Variants in DLGAP1 observed in about 807,000 individuals in gnomAD.
The protein encoded by DLGAP1 is DLG associated protein 1.
A neutral mutation model predicts 90.8 loss-of-function variants in DLGAP1; 11 were observed. The observed-to-expected ratio is 0.12, with a 90% CI of 0.08 to 0.20. The LOEUF is 0.20. DLGAP1 is among the 10% of genes least tolerant of loss of function. The pLI is 1.00. For missense variants in DLGAP1, 1,050 were observed against 1,333.8 expected (o/e 0.79, Z 3.31); for synonymous variants, 558 against 540.7 (o/e 1.03, Z -0.44).
chr18:3,716,538 AT>A (rs11374642), intron 7 of DLGAP1, among the ~76,000 whole-genome samples: 6 of 151,568 alleles, frequency 4.0e-5, no homozygotes, highest in South Asian at 2.1e-4. Context: ...CCTGTCTCAA[AT>A]TTTTTTTTCT....
intron 1 of DLGAP1, among the ~76,000 whole-genome samples, chr18:4,357,406 G>A (rs1394467987): frequency 6.6e-5 from 10 of 151,670 alleles, no homozygotes; most frequent in African/African-American, 1.5e-4. Flanking sequence ...CACCCGCCTC[G>A]GCCTCCCACC....
At chr18:3,854,432 GA>G (rs2069515617) in intron 4 of DLGAP1, among the ~76,000 whole-genome samples, 1 of 152,112 alleles carries the variant, frequency 6.6e-6, no homozygotes, top group South Asian at 2.1e-4. Flanking sequence ...TTATTGTTTT[GA>G]AAACATTCTT....
At chr18:3,665,544 A>G (rs756973871) in intron 7 of DLGAP1, among the ~76,000 whole-genome samples, 4 of 152,216 alleles carry the variant, frequency 2.6e-5, no homozygotes, top group Non-Finnish European at 5.9e-5. Context: ...GGTCTCTACA[A>G]GTGCCCTTGT....
intron 5 of DLGAP1, among the ~76,000 whole-genome samples, chr18:3,783,236 T>A (rs1191828094): frequency 6.6e-6 from 1 of 152,160 alleles, no homozygotes; most frequent in Non-Finnish European, 1.5e-5. Context: ...TGGAAAACAG[T>A]CTGGCAGCTC....
At chr18:4,249,563 G>A (rs1304572888) in intron 1 of DLGAP1, among the ~76,000 whole-genome samples, 4 of 151,874 alleles carry the variant, frequency 2.6e-5, no homozygotes, top group African/African-American at 9.7e-5. Context: ...AGTAATGATG[G>A]ATTTCTGCAT....
intron 1 of DLGAP1, among the ~76,000 whole-genome samples, chr18:4,426,291 A>G (rs1366341999): frequency 3.3e-5 from 5 of 152,168 alleles, no homozygotes; most frequent in Non-Finnish European, 5.9e-5. Flanking sequence ...ATAGAAGAAG[A>G]TATCTTCCCC....
chr18:3,610,201 A>C (rs1443601732), intron 7 of DLGAP1, among the ~76,000 whole-genome samples: 4 of 152,190 alleles, frequency 2.6e-5, no homozygotes, highest in African/African-American at 9.6e-5. Context: ...TATTTTTGAG[A>C]TGGCTGTTCA....
At chr18:4,281,287 A>G (rs2079543984) in intron 1 of DLGAP1, among the ~76,000 whole-genome samples, 1 of 152,164 alleles carries the variant, frequency 6.6e-6, no homozygotes, top group Admixed American at 6.5e-5. Flanking sequence ...GCAGTGGCTC[A>G]TGCCTGTAAT....
At chr18:3,544,443 T>C (rs1428314822) in intron 9 of DLGAP1, among the ~76,000 whole-genome samples, 1 of 152,208 alleles carries the variant, frequency 6.6e-6, no homozygotes, top group Non-Finnish European at 1.5e-5. Flanking sequence ...CCAGCAGTCA[T>C]GCCCTATAAG....
intron 4 of DLGAP1, among the ~76,000 whole-genome samples, chr18:3,817,677 A>C (rs2067173454): frequency 6.6e-6 from 1 of 152,210 alleles, no homozygotes; most frequent in Non-Finnish European, 1.5e-5. Context: ...TTAGGTAGAT[A>C]GTTTTAGAAG....
chr18:4,368,941 C>A (rs1345967011), intron 1 of DLGAP1, among the ~76,000 whole-genome samples: 1 of 152,046 alleles, frequency 6.6e-6, no homozygotes, highest in African/African-American at 2.4e-5. Context: ...TTTTCTATGG[C>A]AAATATCGAT....
intron 2 of DLGAP1, among the ~76,000 whole-genome samples, chr18:4,047,990 G>C (rs2075079825): frequency 6.6e-6 from 1 of 151,880 alleles, no homozygotes; most frequent in Non-Finnish European, 1.5e-5. Flanking sequence ...GTAGAGACGG[G>C]GTCTCACTAC....
intron 1 of DLGAP1, among the ~76,000 whole-genome samples, chr18:4,215,207 T>C (rs2077927368): frequency 6.6e-6 from 1 of 152,196 alleles, no homozygotes. Flanking sequence ...CTGCATAAAT[T>C]ATTTTTATTG....
rs752656401 is a variant in DLGAP1, at chr18:3,508,609, C to T, written c.2532G>A (p.Gln844=). 1 of 1,613,898 alleles carries T rather than the reference C, an allele frequency of 6.2e-7. No individual in the cohort carries two copies. Among genetic ancestry groups the T allele is most frequent in the Non-Finnish European group, 8.5e-7 (1 of 1,179,928 alleles). The part of the protein sequence containing the change: ...AVGSAQLLMA[Q]KFYQFRELCE... ...ACAGTTCTCTGAACTGGTAGAATTTCTGGGCCATGAGAAGTTGGGCACTGC... is the reference window on the plus strand; with the variant it reads ...ACAGTTCTCTGAACTGGTAGAATTTTTGGGCCATGAGAAGTTGGGCACTGC... The change falls in exon 11 of 13, where the codon CAG becomes CAA. Residue 844 remains glutamine, a synonymous_variant. Transcript: ENST00000315677.
intron 3 of DLGAP1, among the ~76,000 whole-genome samples, chr18:3,959,748 G>GAAAGAAA (rs1331168141): frequency 1.3e-5 from 2 of 151,858 alleles, no homozygotes; most frequent in Admixed American, 6.6e-5. Flanking sequence ...TTACACTGAA[G>GAAAGAAA]AAAGAAAAAA....
intron 10 of DLGAP1, among the ~76,000 whole-genome samples, chr18:3,523,585 C>T (rs9947430): frequency 0.11 from 16,601 of 151,810 alleles, 1,455 homozygotes; most frequent in African/African-American, 0.24. Context: ...CGGTGGCTCA[C>T]GCCTGTAATC....
intron 7 of DLGAP1, among the ~76,000 whole-genome samples, chr18:3,605,152 T>G (rs4098999): frequency 0.74 from 112,743 of 152,090 alleles, 42,233 homozygotes; most frequent in Middle Eastern, 0.79. Flanking sequence ...TTCTGCCTCC[T>G]CCTGACCACT....
chr18:3,748,219 A>C (rs2063352071), intron 5 of DLGAP1, among the ~76,000 whole-genome samples: 1 of 152,220 alleles, frequency 6.6e-6, no homozygotes, highest in Non-Finnish European at 1.5e-5. Flanking sequence ...TTTAAAGTAC[A>C]ACCAATAATG....
At chr18:3,860,628 T>G (rs116685171) in intron 4 of DLGAP1, among the ~76,000 whole-genome samples, 5 of 152,170 alleles carry the variant, frequency 3.3e-5, no homozygotes, top group Non-Finnish European at 7.3e-5. Flanking sequence ...GCCTCACTAA[T>G]TTACCATCTA....
Sources: allele counts gnomAD v4.1 joint callset (sites outside exome capture counted in the v4.1 genomes callset), GRCh38; gene constraint gnomAD v4.1.1; transcripts MANE v1.5; gene names NCBI Gene and HGNC (gene_info 2026-07-23, HGNC 2026-07-21).